The following OPA3 variants were observed in gnomAD, a reference collection of about 807,000 sequenced individuals.
The protein encoded by OPA3 is outer mitochondrial membrane lipid metabolism regulator OPA3.
OPA3 carries 6 observed loss-of-function variants against 4.0 expected under a neutral mutation model. That is an observed-to-expected ratio of 1.51 (90% CI 0.83 to 2.99). The LOEUF is 2.99. Ranked by LOEUF, OPA3 falls within the 30% of genes most tolerant of loss-of-function variation. The probability of loss-of-function intolerance (pLI) is 0.00; values close to 1 mark genes in which losing one functional copy is unlikely to be tolerated. For missense variants in OPA3, 235 were observed against 256.2 expected, an observed-to-expected ratio of 0.92 and a Z score of 0.56; for synonymous variants, 105 against 117.1, an observed-to-expected ratio of 0.90 and a Z score of 0.67.
chr19:45,539,635 C>T (rs191224966), intron 1 of OPA3, among the ~76,000 whole-genome samples: 107 of 150,818 alleles, frequency 7.1e-4, no homozygotes, highest in Non-Finnish European at 1.2e-3. Context: ...AAAAATTAGC[C>T]GGGCGTGGCG....
At chr19:45,542,509 T>G (rs975945336), downstream of OPA3, among the ~76,000 whole-genome samples, 5 of 152,170 alleles carry the variant, frequency 3.3e-5, no homozygotes, top group African/African-American at 1.2e-4. Context: ...GCAGGAGTTG[T>G]AACACAATGG....
chr19:45,548,452 T>A lies in OPA3; in HGVS notation c.*5062A>T. On this transcript the variant is annotated 3_prime_UTR_variant, in exon 2 of 2. Transcript: ENST00000263275. Reference sequence around the variant, plus strand: ...GAATGGGTTTATAGTCCTGAGTCACTCCAGAGGGAGGATTCCGGATTCAGC... The same window carrying A: ...GAATGGGTTTATAGTCCTGAGTCACACCAGAGGGAGGATTCCGGATTCAGC... 1 of 985,388 alleles carries A rather than the reference T, an allele frequency of 1.0e-6. No individual in the cohort carries two copies. The highest frequency in any genetic ancestry group is 1.2e-6 in the Non-Finnish European group (1 of 829,928). The allele number at this position is 985,388 out of a possible 1,614,324, so 61.0% of individuals were successfully genotyped here.
At chr19:45,542,559 G>A (rs1423284362), downstream of OPA3, among the ~76,000 whole-genome samples, 1 of 151,954 alleles carries the variant, frequency 6.6e-6, no homozygotes, top group East Asian at 1.9e-4. Context: ...ACATAGAAAC[G>A]GTACAGTAAA....
intron 1 of OPA3, among the ~76,000 whole-genome samples, chr19:45,538,743 A>G (rs1476720766): frequency 3.3e-5 from 5 of 151,962 alleles, no homozygotes; most frequent in South Asian, 2.1e-4. Context: ...AAAAGAAAAG[A>G]TGCTCAACAC....
At chr19:45,541,737 A>G, downstream of OPA3, among the ~76,000 whole-genome samples, 1 of 151,804 alleles carries the variant, frequency 6.6e-6, no homozygotes, top group Non-Finnish European at 1.5e-5. Flanking sequence ...GCGCATTTTA[A>G]AACATTTTAT....
intron 1 of OPA3, among the ~76,000 whole-genome samples, chr19:45,562,343 C>T (rs1186436580): frequency 1.4e-5 from 1 of 69,540 alleles, no homozygotes; most frequent in Non-Finnish European, 2.7e-5. Flanking sequence ...GACTCCATCT[C>T]AAAAAAAAAA....
intron 1 of OPA3, among the ~76,000 whole-genome samples, chr19:45,569,578 C>T (rs1254461470): frequency 6.6e-6 from 1 of 152,074 alleles, no homozygotes; most frequent in Non-Finnish European, 1.5e-5. Flanking sequence ...GTTTAGAAGC[C>T]GATACTCACC....
At chr19:45,556,291 A>C (rs1969419979) in intron 1 of OPA3, among the ~76,000 whole-genome samples, 1 of 151,944 alleles carries the variant, frequency 6.6e-6, no homozygotes. Flanking sequence ...CAACAGGTGC[A>C]TGCCACCATG....
Position 45,537,163 on chromosome 19 carries a change from T to G in OPA3, c.143-7707A>C, listed in dbSNP as rs141627475. The stretch of plus-strand genomic sequence containing the variant: ...TAGTAGAGATGGGGTTTCGCCATGT[T>G]GGTCAGGCTTGTCTCGAACTTGTTT... On this transcript the variant is annotated intron_variant, in intron 1 of 1. Coordinates refer to the OPA3 transcript ENST00000323060. Among the ~76,000 whole-genome samples, 104 of 152,130 alleles carry G rather than the reference T, an allele frequency of 6.8e-4. No homozygotes were observed. The Middle Eastern group carries it at 0.017, about 25-fold the overall frequency.
intron 1 of OPA3, among the ~76,000 whole-genome samples, chr19:45,579,878 T>C (rs60572746): frequency 0.068 from 10,307 of 151,916 alleles, 670 homozygotes; most frequent in African/African-American, 0.16. Context: ...TAATACCCAA[T>C]GTACAGAATC....
rs369252845 is a variant in OPA3, at chr19:45,563,404, C to T, written c.143-9493G>A. ...CGATCTCCTGACCTTGTGATCCACCCGCCTCGGCCTCCCAAAGTGCTGGGA... is the reference window on the plus strand; with the variant it reads ...CGATCTCCTGACCTTGTGATCCACCTGCCTCGGCCTCCCAAAGTGCTGGGA... On this transcript the variant is annotated intron_variant, in intron 1 of 1. Coordinates refer to ENST00000263275, the MANE Select transcript of OPA3 (RefSeq NM_025136.4). 1.8e-4 allele frequency among the ~76,000 whole-genome samples: 27 copies of T among 150,880 alleles called. No homozygotes were observed. In the East Asian group the frequency reaches 4.0e-3, roughly 22 times the overall value.
Position 45,546,465 on chromosome 19 carries a change from A to G in OPA3, c.*7049T>C. 1 of 607,772 alleles carries G rather than the reference A, an allele frequency of 1.6e-6. No homozygotes were observed. Among genetic ancestry groups the G allele is most frequent in the Non-Finnish European group, 2.1e-6 (1 of 485,672 alleles). The allele number at this position is 607,772 out of a possible 1,614,324, so 37.6% of individuals were successfully genotyped here. A position where few individuals can be genotyped will look rare whatever the true frequency, so the allele number is the denominator to read the frequency against. ...AATACATAGAATTGTAAATTATTGTATAAATATGCACACGATGGATTACAT... is the reference window on the plus strand; with the variant it reads ...AATACATAGAATTGTAAATTATTGTGTAAATATGCACACGATGGATTACAT... On this transcript the variant is annotated 3_prime_UTR_variant, in exon 2 of 2. Coordinates refer to ENST00000263275, the MANE Select transcript of OPA3 (RefSeq NM_025136.4).
chr19:45,541,140 T>C (rs941811685), intron 1 of OPA3, among the ~76,000 whole-genome samples: 21 of 152,170 alleles, frequency 1.4e-4, no homozygotes, highest in African/African-American at 5.1e-4. Flanking sequence ...ACAATGTCAC[T>C]GGGAACCCAG....
intron 1 of OPA3, among the ~76,000 whole-genome samples, chr19:45,579,959 G>C (rs1010781079): frequency 4.0e-5 from 6 of 150,066 alleles, no homozygotes; most frequent in Non-Finnish European, 7.4e-5. Context: ...TCAAACCTAT[G>C]TCAGTCTGAC....
chr19:45,548,085 T>C lies in OPA3; in HGVS notation c.*5429A>G. 1 of 983,354 alleles carries C rather than the reference T, an allele frequency of 1.0e-6. No homozygotes were observed. The highest frequency in any genetic ancestry group is 1.2e-6 in the Non-Finnish European group (1 of 828,074). 60.9% of individuals were successfully genotyped at this position (983,354 alleles called of 1,614,324 possible). A position where few individuals can be genotyped will look rare whatever the true frequency, so the allele number is the denominator to read the frequency against. On this transcript the variant is annotated 3_prime_UTR_variant, in exon 2 of 2. Coordinates refer to ENST00000263275, the MANE Select transcript of OPA3 (RefSeq NM_025136.4). Reference sequence around the variant, plus strand: ...TTGCTCCCAACTGGCTCCCAGCTACTAGAATGGAGCCTGGTGCAGTTGATC... The same window carrying C: ...TTGCTCCCAACTGGCTCCCAGCTACCAGAATGGAGCCTGGTGCAGTTGATC...
rs774730416 is a variant in OPA3, at chr19:45,534,560, C to CCA, written c.143-5105_143-5104insTG. Among the ~76,000 whole-genome samples the CCA allele has an allele frequency of 1.1e-4, 6 of 55,002 alleles. No homozygotes were observed. In the East Asian group the frequency reaches 2.5e-3, roughly 23 times the overall value. 36.1% of individuals were successfully genotyped at this position (55,002 alleles called of 152,430 possible). ...TGGTGACAAGAGCAAAACTCTGTCC[C>CCA]AAAAAAAAAAAAAAAAAAAAAGTCA... On this transcript the variant is annotated intron_variant, in intron 1 of 1. Coordinates refer to the OPA3 transcript ENST00000323060.
At chr19:45,540,530 C>A (rs1969173148) in intron 1 of OPA3, among the ~76,000 whole-genome samples, 1 of 142,044 alleles carries the variant, frequency 7.0e-6, no homozygotes, top group Non-Finnish European at 1.5e-5. Flanking sequence ...CACTGCACTG[C>A]AGCCTGGGTG....
chr19:45,559,852 G>A (rs921611903), intron 1 of OPA3, among the ~76,000 whole-genome samples: 5 of 151,904 alleles, frequency 3.3e-5, no homozygotes, highest in Non-Finnish European at 5.9e-5. Flanking sequence ...ACACGAGGCC[G>A]GCCTTAATAA....
intron 1 of OPA3, among the ~76,000 whole-genome samples, chr19:45,540,407 A>C (rs928625864): frequency 6.6e-6 from 1 of 152,112 alleles, no homozygotes; most frequent in East Asian, 1.9e-4. Flanking sequence ...TTAAACAAAC[A>C]AACCAGGCCA....
Sources: gnomAD v4.1 joint callset for allele counts (sites outside exome capture counted in the v4.1 genomes callset) on GRCh38, gnomAD v4.1.1 for gene constraint, MANE v1.5 for transcripts, NCBI Gene and HGNC (gene_info 2026-07-23, HGNC 2026-07-21) for gene names.